The following DSC3 variants were observed in gnomAD, a reference collection of about 807,000 sequenced individuals.
DSC3 encodes the protein desmocollin-3.
In DSC3, 97 loss-of-function variants were observed where a neutral mutation model predicts 89.5. That is an observed-to-expected ratio of 1.08 (90% CI 0.92 to 1.28). The LOEUF (loss-of-function observed/expected upper bound fraction) is 1.28. Ranked by LOEUF, DSC3 falls within the 50% of genes most tolerant of loss-of-function variation. DSC3 has a pLI of 0.00. For synonymous variants in DSC3, 436 were observed against 384.1 expected, an observed-to-expected ratio of 1.14 and a Z score of -1.58; for missense variants, 1,199 against 1,085.3, an observed-to-expected ratio of 1.10 and a Z score of -1.47.
At chr18:31,019,373 G>A (rs2144711652) in intron 7 of DSC3, among the ~76,000 whole-genome samples, 1 of 152,234 alleles carries the variant, frequency 6.6e-6, no homozygotes, top group Non-Finnish European at 1.5e-5. Flanking sequence ...ACAGGCATAA[G>A]GCAGCACACC....
At chr18:31,010,503 A>G (rs1434957660) in intron 9 of DSC3, among the ~76,000 whole-genome samples, 1 of 151,792 alleles carries the variant, frequency 6.6e-6, no homozygotes, top group Non-Finnish European at 1.5e-5. Flanking sequence ...GTAGCTTAAA[A>G]CTCTCCAAAA....
chr18:31,003,456 T>C (rs1984735313), intron 13 of DSC3, among the ~76,000 whole-genome samples: 1 of 152,210 alleles, frequency 6.6e-6, no homozygotes, highest in African/African-American at 2.4e-5. Flanking sequence ...TACGTACTGT[T>C]CTAAGCACTT....
At chr18:31,021,141 AT>A (rs1985405973) in intron 7 of DSC3, among the ~76,000 whole-genome samples, 2 of 151,250 alleles carry the variant, frequency 1.3e-5, no homozygotes, top group African/African-American at 4.9e-5. Flanking sequence ...AATCTGGTAG[AT>A]TTTTTTCTTC....
rs142693132 is a variant in DSC3 at position 31,008,475 on chromosome 18, G to A, written c.1314C>T (p.Asn438=). Residue 438 remains asparagine (N), a synonymous_variant, in exon 10 of 16, where the codon AAC becomes AAT. Coordinates refer to ENST00000360428, the MANE Select transcript of DSC3 (RefSeq NM_001941.5). ...TATCTCTAGCAAATGGCGCTTCATT[G>A]TTTACTCCAATTTCCAGGTTCACTT... ...NRQVNLEIGV[N]NEAPFARDIP... is the part of the protein sequence containing the mutation. 1.9e-6 allele frequency: 3 copies of A among 1,613,966 alleles called. No homozygotes were observed. The African/African-American group carries it at 4.0e-5, about 22-fold the overall frequency.
chr18:31,006,997 C>T lies in DSC3; in HGVS notation c.1798G>A (p.Asp600Asn), dbSNP rs149700389. Residue 600 changes from aspartate to asparagine, a missense_variant, in exon 12 of 16, where the codon GAT (aspartate) becomes AAT (asparagine). By Grantham distance (23) the Asp-to-Asn change is conservative (BLOSUM62 1). Transcript: ENST00000360428. ...GYTDILAVDP[D>N]EPVHGAPFYF... ...AATGGAGCTCCATGGACAGGTTCATCAGGATCAACAGCTAAAATGTCGGTA... is the reference window on the plus strand; with the variant it reads ...AATGGAGCTCCATGGACAGGTTCATTAGGATCAACAGCTAAAATGTCGGTA... The T allele has an allele frequency of 5.1e-5, 83 of 1,613,772 alleles. No individual in the cohort carries two copies. In the East Asian group the frequency reaches 1.4e-3, roughly 27 times the overall value.
intron 6 of DSC3, among the ~76,000 whole-genome samples, chr18:31,023,260 C>A (rs1018840984): frequency 2.6e-5 from 4 of 152,144 alleles, no homozygotes; most frequent in Non-Finnish European, 5.9e-5. Flanking sequence ...AGGCTAAAAA[C>A]ATTGTAGGTC....
At chr18:31,001,782 A>C (rs1382438117) in intron 13 of DSC3, 43 bp from the exon 14 acceptor site, 2 of 1,413,768 alleles carry the variant, frequency 1.4e-6, no homozygotes, top group Admixed American at 4.2e-5. Flanking sequence ...TTTAGCATAC[A>C]TAGAATAAAA....
In DSC3 at chr18:31,008,300, C is replaced by A; in HGVS notation, c.1489G>T (p.Asp497Tyr). 6.2e-7 allele frequency: 1 copy of A among 1,614,066 alleles called. No individual in the cohort carries two copies. The highest frequency in any genetic ancestry group is 8.5e-7 in the Non-Finnish European group (1 of 1,180,004). The change falls in exon 10 of 16, where the codon GAC becomes TAC. Residue 497 changes from aspartate (D) to tyrosine (Y), a missense_variant. Transcript: ENST00000360428. ...CCATTGCCATTTCTATTTTCGGGGT[C>A]ATATGCCTTATAGCCGTTGATCTTT... is the stretch of plus-strand genomic sequence containing the variant. ...GSKINGYKAY[D>Y]PENRNGNGLR...
At chr18:30,999,779 C>A (rs1984590931) in intron 14 of DSC3, among the ~76,000 whole-genome samples, 1 of 152,076 alleles carries the variant, frequency 6.6e-6, no homozygotes, top group Non-Finnish European at 1.5e-5. Flanking sequence ...AGATCCAAAG[C>A]TAAAATGATC....
chr18:31,024,229 A>G, intron 6 of DSC3, 120 bp downstream of exon 6: 1 of 920,518 alleles, frequency 1.1e-6, no homozygotes. Flanking sequence ...TCTGGTAAGT[A>G]GATTCTAGTT....
At chr18:31,039,073 A>G (rs1986056584) in intron 1 of DSC3, among the ~76,000 whole-genome samples, 1 of 151,950 alleles carries the variant, frequency 6.6e-6, no homozygotes, top group African/African-American at 2.4e-5. Flanking sequence ...TTATAATAAA[A>G]ATAACTTCTG....
Position 30,996,845 on chromosome 18 carries a change from G to T in DSC3, c.2439C>A (p.Asn813Lys). The change falls in exon 15 of 16, where the codon AAC becomes AAA. Residue 813 changes from asparagine (N) to lysine (K), a missense_variant. Coordinates refer to ENST00000360428, the MANE Select transcript of DSC3 (RefSeq NM_001941.5). ...GCCACTCCGAGTAAGTGTATCTGCA[G>T]TTGTCCACCTCCGTGTGTCCTCCCC... ...SCRGGHTEVD[N>K]CRYTYSEWHS... The T allele has an allele frequency of 6.2e-7, 1 of 1,613,830 alleles. No homozygotes were observed. The highest frequency in any genetic ancestry group is 8.5e-7 in the Non-Finnish European group (1 of 1,180,012).
rs1434586778 is a variant in DSC3, at chr18:30,997,056, A to G, written c.2236-8T>C. ...AAATCCATTGGCAGAGCACTGAAATAATAAAATGAAATAATTCATGTTGAG... is the reference window on the plus strand; with the variant it reads ...AAATCCATTGGCAGAGCACTGAAATGATAAAATGAAATAATTCATGTTGAG... On this transcript the variant is annotated splice_polypyrimidine_tract_variant and splice_region_variant and intron_variant, in intron 14 of 15. Transcript: ENST00000360428. 2 of 1,614,022 alleles carry G rather than the reference A, an allele frequency of 1.2e-6. No individual in the cohort carries two copies. Among genetic ancestry groups the G allele is most frequent in the East Asian group, 4.5e-5 (2 of 44,900 alleles).
intron 14 of DSC3, among the ~76,000 whole-genome samples, chr18:31,000,313 T>C (rs1984609876): frequency 6.6e-6 from 1 of 152,214 alleles, no homozygotes; most frequent in Non-Finnish European, 1.5e-5. Context: ...TATTTCTTAT[T>C]CATCCCTATC....
intron 11 of DSC3, 63 bp downstream of exon 11, chr18:31,007,953 A>C: frequency 7.0e-7 from 1 of 1,437,762 alleles, no homozygotes; most frequent in Non-Finnish European, 9.7e-7. Flanking sequence ...AATCTGCATA[A>C]GAATAATTAC....
chr18:31,008,778 A>G (rs1598535298), intron 9 of DSC3, among the ~76,000 whole-genome samples: 1 of 152,162 alleles, frequency 6.6e-6, no homozygotes, highest in East Asian at 1.9e-4. Flanking sequence ...TTCATATTTC[A>G]CTCTTACTAA....
rs780006880 is a variant in DSC3 at position 31,018,158 on chromosome 18, A to G, written c.1176T>C (p.Asn392=). The change falls in exon 9 of 16, where the codon AAT becomes AAC. Residue 392 remains asparagine (N), a synonymous_variant. Transcript: ENST00000360428. ...DLINTANWRV[N]FTILKGNENG... Reference sequence around the variant, plus strand: ...TTTCATTTCCCTTTAAAATGGTAAAATTGACTCTCCAATTGGCAGTGTTAA... The same window carrying G: ...TTTCATTTCCCTTTAAAATGGTAAAGTTGACTCTCCAATTGGCAGTGTTAA... 1 of 1,612,396 alleles carries G rather than the reference A, an allele frequency of 6.2e-7. No individual in the cohort carries two copies. The highest frequency in any genetic ancestry group is 8.5e-7 in the Non-Finnish European group (1 of 1,179,098).
chr18:31,010,255 C>T (rs972023617), intron 9 of DSC3, among the ~76,000 whole-genome samples: 4 of 151,964 alleles, frequency 2.6e-5, no homozygotes, highest in Non-Finnish European at 4.4e-5. Flanking sequence ...ACTGGAGAGT[C>T]AAGGAAAAAA....
At chr18:31,033,325 G>GA (rs934421231) in intron 1 of DSC3, among the ~76,000 whole-genome samples, 14 of 151,260 alleles carry the variant, frequency 9.3e-5, no homozygotes, top group African/African-American at 2.2e-4. Context: ...AATTGAAAAT[G>GA]AAAAAAAACT....
Sources: gnomAD v4.1 joint callset for allele counts (sites outside exome capture counted in the v4.1 genomes callset) on GRCh38, gnomAD v4.1.1 for gene constraint, MANE v1.5 for transcripts, NCBI Gene and HGNC (gene_info 2026-07-23, HGNC 2026-07-21) for gene names.